Variants in FHIT observed in about 807,000 individuals in gnomAD.
FHIT encodes the protein bis(5'-adenosyl)-triphosphatase.
Under a neutral mutation model 17.9 loss-of-function variants are expected in FHIT, and 19 were observed. That is an observed-to-expected ratio of 1.06 (90% CI 0.74 to 1.56). FHIT has a LOEUF of 1.56. Among genes scored for constraint, FHIT ranks in the 40% most tolerant of loss-of-function variants. The pLI, the probability that FHIT is intolerant of heterozygous loss-of-function variation, is 0.00. For synonymous variants in FHIT, 81 were observed against 69.7 expected, an observed-to-expected ratio of 1.16 and a Z score of -0.81; for missense variants, 248 against 189.2, an observed-to-expected ratio of 1.31 and a Z score of -1.82.
intron 2 of FHIT, among the ~76,000 whole-genome samples, chr3:61,102,898 T>C: frequency 6.6e-6 from 1 of 152,216 alleles, no homozygotes; most frequent in Non-Finnish European, 1.5e-5. Context: ...TCAGTGGTGA[T>C]ATCCCCTTTA....
intron 8 of FHIT, among the ~76,000 whole-genome samples, chr3:59,810,418 C>A (rs1700369459): frequency 6.6e-6 from 1 of 152,152 alleles, no homozygotes; most frequent in Non-Finnish European, 1.5e-5. Context: ...GTGACCCTCC[C>A]AAATCAATCA....
chr3:61,089,096 C>T (rs1181583414), intron 2 of FHIT, among the ~76,000 whole-genome samples: 1 of 152,022 alleles, frequency 6.6e-6, no homozygotes. Context: ...GGTACTCAGA[C>T]TTTTTTTGAG....
chr3:60,575,589 C>T (rs1553657311), intron 4 of FHIT, among the ~76,000 whole-genome samples: 1 of 151,940 alleles, frequency 6.6e-6, no homozygotes, highest in African/African-American at 2.4e-5. Flanking sequence ...TTAAGAAGAC[C>T]ACAGTATAAA....
intron 5 of FHIT, among the ~76,000 whole-genome samples, chr3:60,076,193 T>C (rs949352607): frequency 2.0e-5 from 3 of 152,074 alleles, no homozygotes; most frequent in African/African-American, 7.2e-5. Flanking sequence ...GACATGATGG[T>C]TTTCCTTAAA....
intron 5 of FHIT, among the ~76,000 whole-genome samples, chr3:60,235,913 C>A (rs1023387957): frequency 1.3e-5 from 2 of 152,042 alleles, no homozygotes; most frequent in Non-Finnish European, 2.9e-5. Flanking sequence ...TCAATTGGCT[C>A]CAGGGTTCAT....
At chr3:61,092,946 T>G (rs1357216726) in intron 2 of FHIT, among the ~76,000 whole-genome samples, 7 of 152,032 alleles carry the variant, frequency 4.6e-5, no homozygotes, top group Non-Finnish European at 7.4e-5. Context: ...ATATACAGAG[T>G]CTGATTAATT....
At chr3:59,779,044 G>A (rs1702455888) in intron 8 of FHIT, among the ~76,000 whole-genome samples, 1 of 152,140 alleles carries the variant, frequency 6.6e-6, no homozygotes, top group South Asian at 2.1e-4. Flanking sequence ...GAAGAGAATG[G>A]GCACTACTGA....
At chr3:59,810,309 G>T (rs1042310065) in intron 8 of FHIT, among the ~76,000 whole-genome samples, 2 of 152,158 alleles carry the variant, frequency 1.3e-5, no homozygotes, top group African/African-American at 4.8e-5. Context: ...TGACAAATAA[G>T]ACCCTGGTGA....
chr3:60,222,281 C>T (rs535698009), intron 5 of FHIT, among the ~76,000 whole-genome samples: 1 of 152,250 alleles, frequency 6.6e-6, no homozygotes, highest in East Asian at 1.9e-4. Context: ...CTTACTAGGG[C>T]AGAAAAAGTA....
At chr3:60,260,506 G>A (rs1706236583) in intron 5 of FHIT, among the ~76,000 whole-genome samples, 1 of 152,066 alleles carries the variant, frequency 6.6e-6, no homozygotes, top group South Asian at 2.1e-4. Flanking sequence ...GAACACAGAA[G>A]TGAAAAAGTG....
At chr3:60,377,422 G>T (rs902994441) in intron 5 of FHIT, among the ~76,000 whole-genome samples, 1 of 143,810 alleles carries the variant, frequency 7.0e-6, no homozygotes, top group African/African-American at 2.6e-5. Context: ...CTCCCAAAGT[G>T]CTGGGATTAC....
intron 5 of FHIT, among the ~76,000 whole-genome samples, chr3:60,161,095 A>G (rs1700919256): frequency 6.6e-6 from 1 of 152,208 alleles, no homozygotes; most frequent in Admixed American, 6.5e-5. Context: ...CTTCAGCCAT[A>G]TACCTCCTAA....
intron 8 of FHIT, among the ~76,000 whole-genome samples, chr3:59,846,738 TA>T (rs1459023956): frequency 6.6e-6 from 1 of 152,182 alleles, no homozygotes; most frequent in African/African-American, 2.4e-5. Flanking sequence ...GGACTCCCTT[TA>T]GCATTTCTTG....
chr3:61,229,321 A>G (rs2040044176), intron 1 of FHIT, among the ~76,000 whole-genome samples: 2 of 152,320 alleles, frequency 1.3e-5, no homozygotes, highest in Admixed American at 1.3e-4. Flanking sequence ...GGTGCAAGCC[A>G]AAGAATGCTT....
At chr3:60,836,959 C>T (rs556041088) in intron 3 of FHIT, among the ~76,000 whole-genome samples, 2 of 152,242 alleles carry the variant, frequency 1.3e-5, no homozygotes, top group African/African-American at 4.8e-5. Context: ...GATATTTTCA[C>T]GGGCTGTAGG....
chr3:60,236,570 A>G (rs931012371), intron 5 of FHIT, among the ~76,000 whole-genome samples: 6 of 152,096 alleles, frequency 3.9e-5, no homozygotes, highest in African/African-American at 1.4e-4. Flanking sequence ...CTAATGAATT[A>G]TTTATCTGTA....
chr3:60,277,659 C>T (rs1471305979), intron 5 of FHIT, among the ~76,000 whole-genome samples: 1 of 152,142 alleles, frequency 6.6e-6, no homozygotes, highest in Non-Finnish European at 1.5e-5. Flanking sequence ...TCAGACACCG[C>T]CTCCTCAAGC....
In FHIT at chr3:60,340,072, T is replaced by A. The variant is rs138988688; in HGVS notation, c.103+196788A>T. On this transcript the variant is annotated intron_variant, in intron 5 of 9. Transcript: ENST00000492590. ...CCTCAAAATTTTATGGAGGGGTGTT[T>A]AATTTTTTTTAAGTTTTCTTCTCTG... Among the ~76,000 whole-genome samples, 674 of 152,262 alleles carry A rather than the reference T, an allele frequency of 4.4e-3. 3 individuals are homozygous for A. The highest frequency in any genetic ancestry group is 0.015 in the African/African-American group (630 of 41,550).
In FHIT at chr3:60,469,108, T is replaced by G. The variant is rs143660773; in HGVS notation, c.103+67752A>C. On this transcript the variant is annotated intron_variant, in intron 5 of 9. Coordinates refer to ENST00000492590, the MANE Select transcript of FHIT (RefSeq NM_002012.4). ...AGGATCCTTTCTTTATCTTTGACCT[T>G]TGGGAGTTCATTAAATGCCATGAGA... Among the ~76,000 whole-genome samples, 85 of 152,256 alleles carry G rather than the reference T, an allele frequency of 5.6e-4. No individual in the cohort carries two copies. In the East Asian group the frequency reaches 0.016, roughly 28 times the overall value.
Sources: allele counts gnomAD v4.1 joint callset (sites outside exome capture counted in the v4.1 genomes callset), GRCh38; gene constraint gnomAD v4.1.1; transcripts MANE v1.5; gene names NCBI Gene and HGNC (gene_info 2026-07-23, HGNC 2026-07-21).